ANKS1B: variants seen among roughly 807,000 people sequenced by gnomAD.
ANKS1B encodes ankyrin repeat and sterile alpha motif domain-containing protein 1B.
ANKS1B carries 36 observed loss-of-function variants against 148.3 expected under a neutral mutation model. The observed-to-expected ratio is 0.24, with a 90% confidence interval of 0.19 to 0.32. ANKS1B has a LOEUF of 0.32. ANKS1B is among the 10% of genes least tolerant of loss of function. The probability of loss-of-function intolerance (pLI) is 1.00; values close to 1 mark genes in which losing one functional copy is unlikely to be tolerated. For synonymous variants in ANKS1B, 542 were observed against 560.8 expected (o/e 0.97, Z 0.47); for missense variants, 1,157 against 1,542.6 (o/e 0.75, Z 4.19).
Position 99,504,639 on chromosome 12 carries a change from C to T in ANKS1B, c.1275G>A (p.Glu425=), listed in dbSNP as rs754431633. 60 of 1,544,060 alleles carry T rather than the reference C, an allele frequency of 3.9e-5. No individual in the cohort carries two copies. The highest frequency in any genetic ancestry group is 2.8e-4 in the Admixed American group (13 of 46,180). The change falls in exon 10 of 27, where the codon GAG becomes GAA. Residue 425 remains glutamate (E), a splice_region_variant and synonymous_variant. Coordinates refer to ENST00000683438, the MANE Select transcript of ANKS1B (RefSeq NM_001352186.2). ...TGTAATTTCTCTTCTTTGGATAGGA[C>T]TCCTGAAAAGAAGAAAAAATAAAAA... is the stretch of plus-strand genomic sequence containing the variant. ...RNLGFPMLAQ[E]SYPKKRNYTM... is the part of the protein sequence containing the mutation.
chr12:99,249,353 G>A (rs2074276458), intron 12 of ANKS1B, among the ~76,000 whole-genome samples: 1 of 152,030 alleles, frequency 6.6e-6, no homozygotes, highest in Admixed American at 6.5e-5. Context: ...TTATTATTAG[G>A]TTACCATCCC....
intron 8 of ANKS1B, among the ~76,000 whole-genome samples, chr12:99,747,394 A>C (rs982305627): frequency 6.6e-6 from 1 of 151,922 alleles, no homozygotes; most frequent in African/African-American, 2.4e-5. Context: ...AGCCTTCATA[A>C]GTTTCCTTCC....
At position 99,655,137 on chromosome 12, in the gene ANKS1B, G is replaced by A. The variant is rs761781660; in HGVS notation, c.1202C>T (p.Pro401Leu). Residue 401 changes from proline (P) to leucine (L), a missense_variant, in exon 9 of 27, where the codon CCA becomes CTA. By Grantham distance (98) the Pro-to-Leu change is moderately conservative. Transcript: ENST00000683438. ...AGTTAATGCTTCCCAAAGTCCTGAT[G>A]GCCCACACGTATTTTCATCATCATC... ...EEDDDENTCGPSGLWEALTPC... is the reference protein window; with the variant it reads ...EEDDDENTCGLSGLWEALTPC... 3 of 1,612,504 alleles carry A rather than the reference G, an allele frequency of 1.9e-6. No homozygotes were observed. The highest frequency in any genetic ancestry group is 2.5e-6 in the Non-Finnish European group (3 of 1,179,070).
intron 12 of ANKS1B, among the ~76,000 whole-genome samples, chr12:99,389,347 AGAAGACTGTACAGATAGAAGATCT>A (rs905413252): frequency 3.3e-5 from 5 of 152,228 alleles, no homozygotes; most frequent in Non-Finnish European, 7.3e-5. Flanking sequence ...TTCTCCCCAA[AGAAGACTGTACAGATAGAAGATCT>A]GAATAGAGAA....
At chr12:99,477,878 T>G (rs117258994) in intron 10 of ANKS1B, among the ~76,000 whole-genome samples, 1 of 152,108 alleles carries the variant, frequency 6.6e-6, no homozygotes. Flanking sequence ...CTCATAGAAA[T>G]AAAGGCACCT....
chr12:99,554,457 A>C (rs1217418780), intron 9 of ANKS1B, among the ~76,000 whole-genome samples: 1 of 152,194 alleles, frequency 6.6e-6, no homozygotes, highest in Non-Finnish European at 1.5e-5. Flanking sequence ...TAAAGGTGGA[A>C]GGTGGAAAGG....
chr12:98,828,987 A>G lies in ANKS1B; in HGVS notation c.3066+187T>C, dbSNP rs150467841. Among the ~76,000 whole-genome samples, 6 of 152,358 alleles carry G rather than the reference A, an allele frequency of 3.9e-5. No individual in the cohort carries two copies. The East Asian group carries it at 1.2e-3, about 29-fold the overall frequency. On this transcript the variant is annotated intron_variant, in intron 19 of 26. Transcript: ENST00000683438. ...GAATGCATAACAAGGACATGTGTACACATTCCATTCCCAGACATTTCTGTC... is the reference window on the plus strand; with the variant it reads ...GAATGCATAACAAGGACATGTGTACGCATTCCATTCCCAGACATTTCTGTC...
At chr12:99,834,511 G>T (rs2084519996) in intron 1 of ANKS1B, among the ~76,000 whole-genome samples, 2 of 152,104 alleles carry the variant, frequency 1.3e-5, no homozygotes, top group African/African-American at 2.4e-5. Context: ...CAGATTAGTA[G>T]ATTTTAGAAT....
At chr12:99,319,170 C>G (rs1475698462) in intron 12 of ANKS1B, among the ~76,000 whole-genome samples, 1 of 152,140 alleles carries the variant, frequency 6.6e-6, no homozygotes, top group African/African-American at 2.4e-5. Context: ...GTGGAGAGTT[C>G]TGTAGATGTC....
chr12:99,651,264 A>G (rs2153436937), intron 9 of ANKS1B, among the ~76,000 whole-genome samples: 1 of 152,330 alleles, frequency 6.6e-6, no homozygotes, highest in East Asian at 1.9e-4. Context: ...TTCACAGGTT[A>G]GATGTTCTAG....
At chr12:99,735,060 A>G (rs781323330) in intron 8 of ANKS1B, among the ~76,000 whole-genome samples, 1 of 152,074 alleles carries the variant, frequency 6.6e-6, no homozygotes, top group Non-Finnish European at 1.5e-5. Flanking sequence ...TAACATCTCC[A>G]ATATTATTTT....
intron 15 of ANKS1B, among the ~76,000 whole-genome samples, chr12:99,089,919 T>G (rs573181858): frequency 1.4e-4 from 21 of 152,352 alleles, no homozygotes; most frequent in Admixed American, 2.6e-4. Flanking sequence ...CTTTCTAGAA[T>G]GATCAAAGAC....
chr12:99,268,410 G>A (rs1348606900), intron 12 of ANKS1B, among the ~76,000 whole-genome samples: 2 of 152,182 alleles, frequency 1.3e-5, no homozygotes, highest in African/African-American at 4.8e-5. Context: ...ATGGAAGTGG[G>A]AATCTTGGTT....
chr12:99,092,885 AG>A (rs1217583938), intron 15 of ANKS1B, among the ~76,000 whole-genome samples: 1 of 152,198 alleles, frequency 6.6e-6, no homozygotes, highest in African/African-American at 2.4e-5. Context: ...CTTGTAACAT[AG>A]GTGGTATTAT....
At chr12:99,566,926 T>C (rs2153218498) in intron 9 of ANKS1B, among the ~76,000 whole-genome samples, 3 of 152,344 alleles carry the variant, frequency 2.0e-5, no homozygotes, top group Middle Eastern at 6.8e-3. Context: ...ATCCCAAAGC[T>C]GCTCCCATAT....
At chr12:99,246,231 CTG>C (rs2073868307) in intron 13 of ANKS1B, 42 bp downstream of exon 13, 1 of 1,414,784 alleles carries the variant, frequency 7.1e-7, no homozygotes, top group East Asian at 2.5e-5. Context: ...CCTCCCTCAA[CTG>C]CAAAGCCTTA....
chr12:99,078,776 C>G lies in ANKS1B; in HGVS notation c.2625+6149G>C, dbSNP rs936261469. On this transcript the variant is annotated intron_variant, in intron 16 of 26. Transcript: ENST00000683438. ...GCCCGCCCTACCCCATGGTCCCCAC[C>G]GTCTGGTATTCACGCCCTTGTGTAA... Among the ~76,000 whole-genome samples, 10 of 151,778 alleles carry G rather than the reference C, an allele frequency of 6.6e-5. No homozygotes were observed. The South Asian group carries it at 1.9e-3, about 29-fold the overall frequency.
intron 8 of ANKS1B, among the ~76,000 whole-genome samples, chr12:99,659,837 C>A (rs917155490): frequency 2.0e-5 from 3 of 152,154 alleles, no homozygotes; most frequent in African/African-American, 7.2e-5. Context: ...TACTACAAAT[C>A]AGTCCAGATT....
intron 15 of ANKS1B, among the ~76,000 whole-genome samples, chr12:99,089,513 G>A (rs2053323345): frequency 6.6e-6 from 1 of 152,186 alleles, no homozygotes; most frequent in Non-Finnish European, 1.5e-5. Flanking sequence ...CATCATTGTA[G>A]CAAGTTCCAT....
Sources: allele counts gnomAD v4.1 joint callset (sites outside exome capture counted in the v4.1 genomes callset), GRCh38; gene constraint gnomAD v4.1.1; transcripts MANE v1.5; gene names NCBI Gene and HGNC (gene_info 2026-07-23, HGNC 2026-07-21).